The following HMCN1 variants were observed in gnomAD, a reference collection of about 807,000 sequenced individuals.
HMCN1 encodes the protein hemicentin-1.
Under a neutral mutation model 625.9 loss-of-function variants are expected in HMCN1, and 321 were observed. The ratio of observed to expected loss-of-function variants is 0.51; its 90% CI spans 0.47 to 0.56. HMCN1 has a LOEUF of 0.56. HMCN1 is among the 20% of genes least tolerant of loss of function. HMCN1 has a pLI of 0.00. For synonymous variants in HMCN1, 2,425 were observed against 2,417.6 expected (o/e 1.00, Z -0.09); for missense variants, 6,588 against 6,887.3 (o/e 0.96, Z 1.54).
chr1:185,923,520 A>G lies in HMCN1; in HGVS notation c.1152A>G (p.Lys384=), dbSNP rs151284138. The G allele has an allele frequency of 6.0e-4, 969 of 1,612,556 alleles. 3 individuals are homozygous for G. In the African/African-American group the frequency reaches 0.012, roughly 20 times the overall value. The part of the protein sequence containing the change: ...TIPVKYYPHR[K]PYGIWNISDF... ...CTGTTAAATATTACCCACATCGAAA[A>G]CCTTATGGCATATGGAATATTTCTG... Residue 384 remains lysine, a synonymous_variant, in exon 8 of 107, where the codon AAA becomes AAG. Coordinates refer to ENST00000271588, the MANE Select transcript of HMCN1 (RefSeq NM_031935.3).
In HMCN1 at chr1:186,039,825, T is replaced by C. The variant is rs1448457177; in HGVS notation, c.6126T>C (p.Ser2042=). 6.2e-7 allele frequency: 1 copy of C among 1,613,514 alleles called. No individual in the cohort carries two copies. Among genetic ancestry groups the C allele is most frequent in the African/African-American group, 1.3e-5 (1 of 74,996 alleles). The change falls in exon 39 of 107, where the codon AGT becomes AGC. Residue 2042 remains serine, a synonymous_variant. Transcript: ENST00000271588. ...AAGCCAGAGGTATTCCTGCCCCAAGTCTGACCTGGTTGAAAGATGGGAGTC... is the reference window on the plus strand; with the variant it reads ...AAGCCAGAGGTATTCCTGCCCCAAGCCTGACCTGGTTGAAAGATGGGAGTC... ...ECEARGIPAP[S]LTWLKDGSPV...
chr1:186,144,127 C>T (rs1269219497), intron 89 of HMCN1, 46 bp from the exon 90 acceptor site: 2 of 1,530,816 alleles, frequency 1.3e-6, no homozygotes, highest in Non-Finnish European at 1.7e-6. Flanking sequence ...TGGTTTTAAA[C>T]AAACACGGTT....
At chr1:186,064,539 G>A (rs1000450023) in intron 48 of HMCN1, among the ~76,000 whole-genome samples, 4 of 151,962 alleles carry the variant, frequency 2.6e-5, no homozygotes, top group African/African-American at 9.7e-5. Context: ...GCCAGGCACG[G>A]TGGCTCACGC....
intron 1 of HMCN1, among the ~76,000 whole-genome samples, chr1:185,803,294 A>G: frequency 6.6e-6 from 1 of 151,588 alleles, no homozygotes; most frequent in Non-Finnish European, 1.5e-5. Context: ...AAGGTCCTGT[A>G]AACTTACTTT....
At chr1:186,135,841 C>A (rs916856362) in intron 86 of HMCN1, among the ~76,000 whole-genome samples, 4 of 152,176 alleles carry the variant, frequency 2.6e-5, no homozygotes, top group African/African-American at 7.2e-5. Context: ...CATATTAGTA[C>A]ACGTTAGTTC....
At chr1:185,799,106 TG>T (rs59036593) in intron 1 of HMCN1, among the ~76,000 whole-genome samples, 6,225 of 152,210 alleles carry the variant, frequency 0.041, 414 homozygotes, top group African/African-American at 0.14. Flanking sequence ...GTTCTAAGGG[TG>T]CTTTTGGTGG....
intron 86 of HMCN1, among the ~76,000 whole-genome samples, chr1:186,132,832 C>T (rs10911827): frequency 0.37 from 55,928 of 151,426 alleles, 11,623 homozygotes; most frequent in East Asian, 0.58. Context: ...TGTGATGTTC[C>T]CCTTCCTGTG....
At chr1:185,737,196 C>T (rs1397848950) in intron 1 of HMCN1, among the ~76,000 whole-genome samples, 2 of 151,594 alleles carry the variant, frequency 1.3e-5, no homozygotes, top group Non-Finnish European at 2.9e-5. Flanking sequence ...ACTCTGGCAC[C>T]CAGGCTGGAG....
intron 102 of HMCN1, 63 bp from the exon 103 acceptor site, chr1:186,174,451 T>C: frequency 6.3e-7 from 1 of 1,595,360 alleles, no homozygotes; most frequent in South Asian, 1.1e-5. Context: ...ATGCTGACTT[T>C]AAATACAATG....
chr1:185,953,021 G>T (rs1413256709), intron 11 of HMCN1, among the ~76,000 whole-genome samples: 3 of 151,366 alleles, frequency 2.0e-5, no homozygotes, highest in Non-Finnish European at 4.4e-5. Context: ...GGATTGGGGG[G>T]TTTTTGCCCC....
In HMCN1 at chr1:185,948,829, G is replaced by A. The variant is rs551223998; in HGVS notation, c.1829-13689G>A. On this transcript the variant is annotated intron_variant, in intron 11 of 106. Transcript: ENST00000271588. ...GGGGTGGTATGGAGAGAGAATGGGC[G>A]ATGTTTCTCAGGGCTGCTTCAAGCG... Among the ~76,000 whole-genome samples, 1,432 of 150,772 alleles carry A rather than the reference G, an allele frequency of 9.5e-3. 25 individuals are homozygous for A. The highest frequency in any genetic ancestry group is 0.032 in the African/African-American group (1,309 of 40,656).
At chr1:186,031,722 A>G (rs1571746567) in intron 36 of HMCN1, among the ~76,000 whole-genome samples, 1 of 152,026 alleles carries the variant, frequency 6.6e-6, no homozygotes, top group African/African-American at 2.4e-5. Context: ...AAATTGGATT[A>G]TCAATTGACC....
intron 1 of HMCN1, among the ~76,000 whole-genome samples, chr1:185,836,000 G>T (rs997813054): frequency 5.9e-5 from 9 of 152,162 alleles, no homozygotes; most frequent in African/African-American, 1.7e-4. Flanking sequence ...ACGAAAGCTT[G>T]AAGTGAGAGG....
At chr1:185,973,764 G>A (rs1399222103) in intron 15 of HMCN1, among the ~76,000 whole-genome samples, 2 of 152,106 alleles carry the variant, frequency 1.3e-5, no homozygotes, top group African/African-American at 4.8e-5. Context: ...GGACTGTGAA[G>A]TCATTTGGAA....
chr1:186,067,619 T>G (rs979217665), intron 49 of HMCN1, among the ~76,000 whole-genome samples: 3 of 152,168 alleles, frequency 2.0e-5, no homozygotes, highest in Non-Finnish European at 2.9e-5. Context: ...GGTTTTTTTA[T>G]GTGTTATGGT....
chr1:185,793,028 G>A (rs1428117203), intron 1 of HMCN1, among the ~76,000 whole-genome samples: 1 of 152,134 alleles, frequency 6.6e-6, no homozygotes, highest in Non-Finnish European at 1.5e-5. Context: ...CTTGTAGACA[G>A]TTACAGCTTC....
In HMCN1 at chr1:186,137,914, G is replaced by T. The variant is rs1431173452; in HGVS notation, c.13866G>T (p.Gly4622=). 2.5e-6 allele frequency: 4 copies of T among 1,614,074 alleles called. No homozygotes were observed. The highest frequency in any genetic ancestry group is 1.7e-6 in the Non-Finnish European group (2 of 1,179,970). ...TCNNPSVQHG[G]RPCEGNAVEI... ...ATAATCCATCAGTTCAGCATGGTGG[G>T]CGGCCATGTGAAGGGAATGCTGTGG... The change falls in exon 89 of 107, where the codon GGG becomes GGT. Residue 4622 remains glycine, a synonymous_variant. Transcript: ENST00000271588.
At chr1:185,822,232 G>C (rs1571403118) in intron 1 of HMCN1, among the ~76,000 whole-genome samples, 1 of 152,146 alleles carries the variant, frequency 6.6e-6, no homozygotes, top group African/African-American at 2.4e-5. Context: ...TGTCAATGTA[G>C]GTTCATCAGT....
chr1:186,044,676 A>G (rs1258169380), intron 40 of HMCN1, among the ~76,000 whole-genome samples: 1 of 152,142 alleles, frequency 6.6e-6, no homozygotes, highest in Non-Finnish European at 1.5e-5. Context: ...AAATATGGCA[A>G]ATTTTCTACA....
Sources: allele counts gnomAD v4.1 joint callset (sites outside exome capture counted in the v4.1 genomes callset), GRCh38; gene constraint gnomAD v4.1.1; transcripts MANE v1.5; gene names NCBI Gene and HGNC (gene_info 2026-07-23, HGNC 2026-07-21).